The following CFAP299 variants were observed in gnomAD, a reference collection of about 807,000 sequenced individuals.
CFAP299 encodes the protein cilia and flagella associated protein 299.
Under a neutral mutation model 27.0 loss-of-function variants are expected in CFAP299, and 21 were observed. That is an observed-to-expected ratio of 0.78 (90% CI 0.55 to 1.12). The LOEUF is 1.12. CFAP299 is among the 50% of genes most tolerant of loss of function. CFAP299 has a pLI of 0.00. For missense variants in CFAP299, 310 were observed against 276.6 expected (o/e 1.12, Z -0.86); for synonymous variants, 104 against 98.1 (o/e 1.06, Z -0.36).
At chr4:80,658,172 T>C (rs566459692) in intron 3 of CFAP299, among the ~76,000 whole-genome samples, 3 of 152,206 alleles carry the variant, frequency 2.0e-5, no homozygotes, top group Non-Finnish European at 4.4e-5. Context: ...TCATGTCATC[T>C]TCAAACAGGG....
At chr4:80,364,077 A>G (rs185259607) in intron 2 of CFAP299, among the ~76,000 whole-genome samples, 2 of 6,380 alleles carry the variant, frequency 3.1e-4, no homozygotes, top group East Asian at 0.062. Context: ...ACAGAGCGAG[A>G]CTCCGTCTCA....
chr4:80,511,919 G>A (rs1430192828), intron 2 of CFAP299, among the ~76,000 whole-genome samples: 1 of 152,062 alleles, frequency 6.6e-6, no homozygotes, highest in Non-Finnish European at 1.5e-5. Flanking sequence ...GATTTCATAT[G>A]AAATACTGAG....
chr4:80,773,753 G>A (rs1234438672), intron 3 of CFAP299, among the ~76,000 whole-genome samples: 2 of 151,988 alleles, frequency 1.3e-5, no homozygotes, highest in African/African-American at 4.8e-5. Context: ...TGGCCAGGTA[G>A]TGCTTGATTG....
chr4:80,725,215 C>A (rs1723091046), intron 3 of CFAP299, among the ~76,000 whole-genome samples: 1 of 150,464 alleles, frequency 6.6e-6, no homozygotes, highest in Non-Finnish European at 1.5e-5. Flanking sequence ...CTTGGCCTCC[C>A]AAACTGCTGG....
intron 3 of CFAP299, among the ~76,000 whole-genome samples, chr4:80,585,899 G>T (rs1334250422): frequency 6.6e-6 from 1 of 152,142 alleles, no homozygotes; most frequent in African/African-American, 2.4e-5. Context: ...GATAAAATCT[G>T]GAAACCATGT....
chr4:80,784,501 CTTTCTTTTT>C (rs1257995167), intron 3 of CFAP299, among the ~76,000 whole-genome samples: 5 of 151,700 alleles, frequency 3.3e-5, no homozygotes, highest in African/African-American at 7.2e-5. Context: ...TCTTTCTTTT[CTTTCTTTTT>C]TTTCTTTTCT....
intron 2 of CFAP299, among the ~76,000 whole-genome samples, chr4:80,503,807 T>C (rs1247054725): frequency 6.6e-6 from 1 of 152,148 alleles, no homozygotes; most frequent in Non-Finnish European, 1.5e-5. Context: ...TAATTTATAT[T>C]TGTAAGATTG....
chr4:80,911,810 C>T (rs1409804426), intron 4 of CFAP299, among the ~76,000 whole-genome samples: 1 of 152,056 alleles, frequency 6.6e-6, no homozygotes, highest in African/African-American at 2.4e-5. Context: ...GGAAAAGGCA[C>T]TTGTTTTACA....
At chr4:80,776,827 C>T (rs748975622) in intron 3 of CFAP299, among the ~76,000 whole-genome samples, 15 of 149,164 alleles carry the variant, frequency 1.0e-4, no homozygotes, top group Non-Finnish European at 1.6e-4. Flanking sequence ...AATAATTGAA[C>T]AATCAGATAA....
rs79554516 is a variant in CFAP299 at position 80,682,946 on chromosome 4, C to T, written c.333+99763C>T. ...AGCACGGAACCCTGAGGTCTTTTTC[C>T]ATGAAGCTTCCAATTTGCTATATCA... On this transcript the variant is annotated intron_variant, in intron 3 of 5. Coordinates refer to ENST00000358105, the MANE Select transcript of CFAP299 (RefSeq NM_152770.3). Among the ~76,000 whole-genome samples the T allele has an allele frequency of 8.4e-3, 1,278 of 152,198 alleles. 22 individuals carry two copies. Among genetic ancestry groups the T allele is most frequent in the African/African-American group, 0.029 (1,222 of 41,516 alleles).
In CFAP299 at chr4:80,800,529, ATTATATAATATATAATATATC is replaced by A. The variant is rs1560419272; in HGVS notation, c.334-69463_334-69443del. ...TTATATAATATATAATATATAATAT[ATTATATAATATATAATATATC>A]AATATATTATATAATATATTAATAT... On this transcript the variant is annotated intron_variant, in intron 3 of 5. Transcript: ENST00000358105. 2.1e-3 allele frequency among the ~76,000 whole-genome samples: 40 copies of A among 18,764 alleles called. No individual in the cohort carries two copies. In the East Asian group the frequency reaches 0.029, roughly 13 times the overall value. The allele number at this position is 18,764 out of a possible 152,430, so 12.3% of individuals were successfully genotyped here.
chr4:80,661,258 G>A (rs764177340), intron 3 of CFAP299, among the ~76,000 whole-genome samples: 8 of 151,204 alleles, frequency 5.3e-5, no homozygotes, highest in Admixed American at 1.3e-4. Flanking sequence ...CCCAGGAGTC[G>A]GAGGTTGCAG....
At chr4:80,667,983 C>T (rs1318568216) in intron 3 of CFAP299, among the ~76,000 whole-genome samples, 1 of 151,916 alleles carries the variant, frequency 6.6e-6, no homozygotes, top group Non-Finnish European at 1.5e-5. Flanking sequence ...TGTCAGCATT[C>T]GTTGTTCCTG....
intron 4 of CFAP299, among the ~76,000 whole-genome samples, chr4:80,921,914 A>G (rs1578240373): frequency 6.6e-6 from 1 of 152,028 alleles, no homozygotes; most frequent in East Asian, 1.9e-4. Flanking sequence ...GTCAAGCACA[A>G]TTCCGAGTCT....
rs777657607 is a variant in CFAP299 at position 80,362,836 on chromosome 4, G to A, written c.194G>A (p.Arg65Lys). ...GTGAAAAGGGAAGATTTTGAAGCAA[G>A]GAAAGCGGCTATAGAGATTGCAAGA... Reference protein sequence around the residue: ...ERVKREDFEARKAAIEIARLA... With the variant: ...ERVKREDFEAKKAAIEIARLA... The change falls in exon 2 of 6, where the codon AGG becomes AAG. Residue 65 changes from arginine to lysine, a missense_variant. Transcript: ENST00000358105. 1 of 1,613,182 alleles carries A rather than the reference G, an allele frequency of 6.2e-7. No individual in the cohort carries two copies. Among genetic ancestry groups the A allele is most frequent in the Non-Finnish European group, 8.5e-7 (1 of 1,179,772 alleles).
chr4:80,753,420 C>T (rs938483866), intron 3 of CFAP299, among the ~76,000 whole-genome samples: 1 of 152,060 alleles, frequency 6.6e-6, no homozygotes, highest in Non-Finnish European at 1.5e-5. Flanking sequence ...GTCATCAAGA[C>T]TGTCTCTGTC....
intron 3 of CFAP299, among the ~76,000 whole-genome samples, chr4:80,656,546 G>A (rs1740567055): frequency 1.3e-5 from 2 of 152,140 alleles, no homozygotes; most frequent in Admixed American, 6.6e-5. Context: ...CACTGCAAAG[G>A]ACATGAACTC....
chr4:80,755,543 C>T (rs962413935), intron 3 of CFAP299, among the ~76,000 whole-genome samples: 1 of 152,052 alleles, frequency 6.6e-6, no homozygotes, highest in Non-Finnish European at 1.5e-5. Context: ...ACCCTTTACC[C>T]TTCAGGGTAA....
At chr4:80,815,419 T>C (rs1729372480) in intron 3 of CFAP299, among the ~76,000 whole-genome samples, 1 of 151,962 alleles carries the variant, frequency 6.6e-6, no homozygotes, top group Non-Finnish European at 1.5e-5. Context: ...TTATAATTAC[T>C]TACATTTACT....
Sources: gnomAD v4.1 joint callset for allele counts (sites outside exome capture counted in the v4.1 genomes callset) on GRCh38, gnomAD v4.1.1 for gene constraint, MANE v1.5 for transcripts, NCBI Gene and HGNC (gene_info 2026-07-23, HGNC 2026-07-21) for gene names.